Variants in PCDH11X observed in about 807,000 individuals in gnomAD.
PCDH11X encodes the protein protocadherin 11 X-linked.
PCDH11X carries 18 observed loss-of-function variants against 53.3 expected under a neutral mutation model. The observed-to-expected ratio is 0.34, with a 90% CI of 0.23 to 0.50. The LOEUF is 0.50. Ranked by LOEUF, PCDH11X falls within the 20% of genes least tolerant of loss-of-function variation. PCDH11X has a pLI of 0.98. For synonymous variants in PCDH11X, 279 were observed against 393.3 expected (o/e 0.71, Z 3.44); for missense variants, 570 against 1,032.4 (o/e 0.55, Z 6.14).
intron 6 of PCDH11X, among the ~76,000 whole-genome samples, chrX:91,923,838 C>T (rs1941837538): frequency 9.0e-6 from 1 of 110,788 alleles, no homozygotes; most frequent in Non-Finnish European, 1.9e-5. Flanking sequence ...GGGAGCTAAA[C>T]ATTAAGTACA....
At chrX:92,148,652 A>T (rs2065373565) in intron 6 of PCDH11X, among the ~76,000 whole-genome samples, 1 of 109,685 alleles carries the variant, frequency 9.1e-6, no homozygotes, top group East Asian at 2.9e-4. Context: ...TTTGTTTAAA[A>T]TACTTGCTCC....
chrX:92,114,249 A>C, intron 6 of PCDH11X: 3 of 953,362 alleles, frequency 3.1e-6, no homozygotes, highest in Non-Finnish European at 3.0e-6. Flanking sequence ...GAGCGATTAC[A>C]TTATAACCCC....
chrX:92,084,550 A>AAG (rs1189152525), intron 6 of PCDH11X, among the ~76,000 whole-genome samples: 2 of 110,696 alleles, frequency 1.8e-5, no homozygotes, highest in Non-Finnish European at 3.8e-5. Flanking sequence ...AAAAAAAAAA[A>AAG]AAAAGAAATA....
intron 6 of PCDH11X, among the ~76,000 whole-genome samples, chrX:92,013,582 C>T (rs1276962579): frequency 8.9e-6 from 1 of 111,748 alleles, no homozygotes; most frequent in Non-Finnish European, 1.9e-5. Context: ...CAAGTCAATC[C>T]TCAGCCAAAA....
chrX:92,082,898 G>A (rs866489673), intron 6 of PCDH11X, among the ~76,000 whole-genome samples: 18 of 84,574 alleles, frequency 2.1e-4, no homozygotes, highest in African/African-American at 6.6e-4. Flanking sequence ...TTAAATTTAA[G>A]TAACACAATT....
chrX:92,593,829 G>A (rs1422458920), intron 10 of PCDH11X, among the ~76,000 whole-genome samples: 1 of 105,079 alleles, frequency 9.5e-6, no homozygotes, highest in African/African-American at 3.5e-5. Context: ...AGAGAAAATT[G>A]TAAAGAGTTA....
rs746470515 is a variant in PCDH11X at position 92,365,321 on chromosome X, C to G, written c.3145-22414C>G. Among the ~76,000 whole-genome samples, 28 of 105,785 alleles carry G rather than the reference C, an allele frequency of 2.6e-4. No individual in the cohort carries two copies. In the East Asian group the frequency reaches 6.6e-3, roughly 25 times the overall value. The allele number at this position is 105,785 out of a possible 115,157, so 91.9% of individuals were successfully genotyped here. On this transcript the variant is annotated intron_variant, in intron 8 of 10. Coordinates refer to ENST00000682573, the MANE Select transcript of PCDH11X (RefSeq NM_032968.5). The stretch of plus-strand genomic sequence containing the variant: ...TAACATAGTTATTTATTATCATTAT[C>G]AAGTATTATGTACTGTACATAATTG...
At chrX:92,416,036 T>C (rs1378040072) in intron 9 of PCDH11X, among the ~76,000 whole-genome samples, 2 of 111,566 alleles carry the variant, frequency 1.8e-5, no homozygotes, top group Non-Finnish European at 3.8e-5. Context: ...TGTGCTATAC[T>C]GAAAGTCAAA....
At chrX:92,388,563 A>G (rs933530624) in intron 9 of PCDH11X, among the ~76,000 whole-genome samples, 1 of 108,291 alleles carries the variant, frequency 9.2e-6, no homozygotes, top group African/African-American at 3.3e-5. Flanking sequence ...ATTTCATTAA[A>G]TGTATTATCT....
chrX:92,117,722 A>G (rs1351641677), intron 6 of PCDH11X, among the ~76,000 whole-genome samples: 1 of 111,884 alleles, frequency 8.9e-6, no homozygotes, highest in Non-Finnish European at 1.9e-5. Flanking sequence ...GCTATATTCA[A>G]TTTCACAGGA....
chrX:92,441,556 G>A (rs1318008379), intron 9 of PCDH11X, among the ~76,000 whole-genome samples: 1 of 112,305 alleles, frequency 8.9e-6, no homozygotes, highest in Non-Finnish European at 1.9e-5. Flanking sequence ...CAATCCCCAA[G>A]CCTTGGTAGC....
chrX:92,085,860 G>A (rs759756266), intron 6 of PCDH11X, among the ~76,000 whole-genome samples: 3 of 111,357 alleles, frequency 2.7e-5, no homozygotes, highest in East Asian at 5.7e-4. Flanking sequence ...ACAGTAACTA[G>A]TAGCTATGTG....
At chrX:91,932,027 T>C (rs752912081) in intron 6 of PCDH11X, among the ~76,000 whole-genome samples, 6 of 110,958 alleles carry the variant, frequency 5.4e-5, no homozygotes, top group African/African-American at 2.0e-4. Flanking sequence ...CCCCGCTCCA[T>C]GTATCCATGT....
chrX:91,952,153 C>T (rs1216204452), intron 6 of PCDH11X, among the ~76,000 whole-genome samples: 1 of 111,232 alleles, frequency 9.0e-6, no homozygotes, highest in Non-Finnish European at 1.9e-5. Context: ...ATATCTGTTC[C>T]GTATCAAAAA....
intron 7 of PCDH11X, among the ~76,000 whole-genome samples, chrX:92,246,662 T>C (rs939396440): frequency 2.7e-5 from 3 of 111,860 alleles, no homozygotes; most frequent in Non-Finnish European, 5.6e-5. Context: ...GAAAAGAGTT[T>C]TACATACTTA....
At chrX:92,617,546 A>G (rs1928119591) in intron 10 of PCDH11X, among the ~76,000 whole-genome samples, 1 of 110,037 alleles carries the variant, frequency 9.1e-6, no homozygotes, top group Non-Finnish European at 1.9e-5. Flanking sequence ...TAGTAACTCC[A>G]TCTCTATTTC....
At chrX:92,086,740 A>G (rs1239603305) in intron 6 of PCDH11X, among the ~76,000 whole-genome samples, 3 of 110,929 alleles carry the variant, frequency 2.7e-5, no homozygotes, top group Non-Finnish European at 5.7e-5. Context: ...ATTTTAATAT[A>G]TTAAGCATAT....
At chrX:92,599,987 G>A (rs1467514253) in intron 10 of PCDH11X, among the ~76,000 whole-genome samples, 2 of 109,825 alleles carry the variant, frequency 1.8e-5, no homozygotes, top group African/African-American at 6.7e-5. Context: ...ATGATTTAGG[G>A]TATCTGGCAG....
At chrX:91,976,738 A>G (rs2062051944) in intron 6 of PCDH11X, among the ~76,000 whole-genome samples, 1 of 111,269 alleles carries the variant, frequency 9.0e-6, no homozygotes, top group Non-Finnish European at 1.9e-5. Context: ...GACATTCTAT[A>G]TTTATGCCAG....
Sources: allele counts gnomAD v4.1 joint callset (sites outside exome capture counted in the v4.1 genomes callset), GRCh38; gene constraint gnomAD v4.1.1; transcripts MANE v1.5; gene names NCBI Gene and HGNC (gene_info 2026-07-23, HGNC 2026-07-21).